SURF4: variants seen among roughly 807,000 people sequenced by gnomAD.
SURF4 encodes the protein surfeit 4, also known as surfeit locus protein 4.
In SURF4, 3 loss-of-function variants were observed where a neutral mutation model predicts 30.0. The observed-to-expected ratio is 0.10, with a 90% CI of 0.05 to 0.26. The LOEUF (loss-of-function observed/expected upper bound fraction) is 0.26, where lower values mean the gene tolerates loss of function less well. Among genes scored for constraint, SURF4 ranks in the 10% least tolerant of loss-of-function variants. The probability of loss-of-function intolerance (pLI) is 1.00; values close to 1 mark genes in which losing one functional copy is unlikely to be tolerated. For synonymous variants in SURF4, 143 were observed against 139.9 expected (o/e 1.02, Z -0.16); for missense variants, 217 against 350.8 (o/e 0.62, Z 3.05).
chr9:133,376,567 A>T (rs2130249575), upstream of SURF4: 2 of 1,589,136 alleles, frequency 1.3e-6, no homozygotes, highest in African/African-American at 1.4e-5. Context: ...CCAGGTGCCG[A>T]GTGTTCCCTG....
At chr9:133,365,170 C>T (rs1309932884) in intron 4 of SURF4, 144 bp from the exon 5 acceptor site, 3 of 741,918 alleles carry the variant, frequency 4.0e-6, no homozygotes, top group African/African-American at 1.8e-5. Context: ...CAAGCAGGAC[C>T]AGGCAGGCAT....
intron 1 of SURF4, among the ~76,000 whole-genome samples, chr9:133,371,342 G>C (rs2130188113): frequency 3.3e-5 from 5 of 152,190 alleles, no homozygotes; most frequent in Admixed American, 2.0e-4. Context: ...GAGCTGGCTC[G>C]AGCTCACTGG....
rs1302309413 is a variant in SURF4, at chr9:133,363,414, T to C, written c.*79A>G. On this transcript the variant is annotated 3_prime_UTR_variant, in exon 6 of 6. Transcript: ENST00000371989. This position sits in a 1 kb window ranked among gnomAD's most constrained non-coding sequence, Gnocchi z 4.3. ...GGAAGGGAAGAGGATACATAAAAGCTGGCAGTTTTGTTGAATCCACCCCGA... is the reference window on the plus strand; with the variant it reads ...GGAAGGGAAGAGGATACATAAAAGCCGGCAGTTTTGTTGAATCCACCCCGA... 2.2e-5 allele frequency: 35 copies of C among 1,610,938 alleles called. No homozygotes were observed. The highest frequency in any genetic ancestry group is 2.8e-5 in the Non-Finnish European group (33 of 1,177,722).
At chr9:133,367,677 C>A in intron 1 of SURF4, 1 of 1,224,580 alleles carries the variant, frequency 8.2e-7, no homozygotes, top group Non-Finnish European at 1.1e-6. Flanking sequence ...CCCGGAGATG[C>A]ATGACTTGAC....
chr9:133,377,619 C>A (rs1044947074), upstream of SURF4, among the ~76,000 whole-genome samples: 10 of 152,072 alleles, frequency 6.6e-5, no homozygotes, highest in South Asian at 4.1e-4. Context: ...GCCAAGATAG[C>A]GCCATTGGAC....
At chr9:133,376,404 G>C (rs756245505), upstream of SURF4, 1 of 1,461,406 alleles carries the variant, frequency 6.8e-7, no homozygotes, top group Admixed American at 2.9e-5. Context: ...GGAGGATCCC[G>C]CGGGTCCCAC....
rs2130136912 is a variant in SURF4 at position 133,367,218 on chromosome 9, A to T, written c.235+41T>A. On this transcript the variant is annotated intron_variant, in intron 2 of 5. Coordinates refer to ENST00000371989, the MANE Select transcript of SURF4 (RefSeq NM_033161.4). ...TCCCAACTGCTAACGATCATGGAAC[A>T]AGACGCCCAGTGAATCCTGACCACC... The T allele has an allele frequency of 3.1e-6, 5 of 1,602,972 alleles. No homozygotes were observed. The African/African-American group carries it at 6.7e-5, about 21-fold the overall frequency.
intron 2 of SURF4, 45 bp downstream of exon 2, chr9:133,367,214 G>T: frequency 6.3e-7 from 1 of 1,599,832 alleles, no homozygotes; most frequent in Admixed American, 1.7e-5. Context: ...AACGATCATG[G>T]AACAAGACGC....
At chr9:133,372,523 G>C (rs2130198008) in intron 1 of SURF4, 123,031 of 898,196 alleles carry the variant, frequency 0.14, 8,954 homozygotes, top group Middle Eastern at 0.17. Context: ...ACCCGGCCCA[G>C]TGAAAGACTT....
At chr9:133,373,942 G>C (rs1393550889) in intron 1 of SURF4, among the ~76,000 whole-genome samples, 1 of 108,210 alleles carries the variant, frequency 9.2e-6, no homozygotes, top group Non-Finnish European at 2.0e-5. Flanking sequence ...AAAAGAAGAA[G>C]AAAACAGTAT....
In SURF4 at chr9:133,366,656, C is replaced by T; in HGVS notation, c.255G>A (p.Leu85=). 2 of 1,613,826 alleles carry T rather than the reference C, an allele frequency of 1.2e-6. No individual in the cohort carries two copies. The highest frequency in any genetic ancestry group is 2.2e-5 in the South Asian group (2 of 91,062). ...AGGCGTACTGCACGAAGTTCCTGCT[C>T]AACACCAGGACGCAGCCAGCTGGAG... ...LGQLTGCVLV[L]SRNFVQYACF... The change falls in exon 3 of 6, where the codon TTG becomes TTA. Residue 85 remains leucine (L), a synonymous_variant. Transcript: ENST00000371989.
upstream of SURF4, among the ~76,000 whole-genome samples, chr9:133,377,236 C>T (rs1837999282): frequency 6.6e-6 from 1 of 152,102 alleles, no homozygotes; most frequent in Non-Finnish European, 1.5e-5. Flanking sequence ...AAAAAATAGA[C>T]GTTTCAGGAA....
intron 3 of SURF4, 38 bp downstream of exon 3, chr9:133,366,561 G>T (rs2130127315): frequency 4.4e-6 from 7 of 1,607,642 alleles, no homozygotes; most frequent in Non-Finnish European, 6.0e-6. Context: ...CTCCACCAGA[G>T]CAAAGAGAAG....
In SURF4 at chr9:133,363,221, G is replaced by T; in HGVS notation, c.*272C>A. The T allele has an allele frequency of 3.2e-6, 2 of 633,416 alleles. No homozygotes were observed. Among genetic ancestry groups the T allele is most frequent in the South Asian group, 3.8e-5 (2 of 52,532 alleles). 39.2% of individuals were successfully genotyped at this position (633,416 alleles called of 1,614,324 possible). A position where few individuals can be genotyped will look rare whatever the true frequency, so the allele number is the denominator to read the frequency against. ...TAGGACTGAGATGCCACAGCCAAGCGGGCTGTTCACTCCAAAGCCTCGGCG... is the reference window on the plus strand; with the variant it reads ...TAGGACTGAGATGCCACAGCCAAGCTGGCTGTTCACTCCAAAGCCTCGGCG... On this transcript the variant is annotated 3_prime_UTR_variant, in exon 6 of 6. Transcript: ENST00000371989. The surrounding 1 kb of genome is among the most constrained non-coding windows in gnomAD (Gnocchi z 4.3).
chr9:133,366,462 G>A (rs946135527), intron 3 of SURF4, 137 bp downstream of exon 3: 30 of 942,974 alleles, frequency 3.2e-5, no homozygotes, highest in Non-Finnish European at 4.5e-5. Flanking sequence ...TTCCCCAGAA[G>A]AGAAAGGAGC....
At chr9:133,367,687 C>T (rs1238071669) in intron 1 of SURF4, 15 of 1,146,610 alleles carry the variant, frequency 1.3e-5, no homozygotes, top group African/African-American at 4.7e-5. Context: ...CATGACTTGA[C>T]GTTAGGCCCT....
chr9:133,363,785 T>A lies in SURF4; in HGVS notation c.544-26A>T, dbSNP rs1473331216. The A allele has an allele frequency of 6.2e-7, 1 of 1,612,990 alleles. No individual in the cohort carries two copies. The highest frequency in any genetic ancestry group is 1.7e-5 in the Admixed American group (1 of 59,954). On this transcript the variant is annotated intron_variant, in intron 5 of 5. Coordinates refer to ENST00000371989, the MANE Select transcript of SURF4 (RefSeq NM_033161.4). This position sits in a 1 kb window ranked among gnomAD's most constrained non-coding sequence, Gnocchi z 4.3. ...CTGCATAGGTTGAAACGTAAGAAATTCAAAATAAATGTGAGGAAAAGAGAT... is the reference window on the plus strand; with the variant it reads ...CTGCATAGGTTGAAACGTAAGAAATACAAAATAAATGTGAGGAAAAGAGAT...
chr9:133,367,795 C>A (rs1837268599), intron 1 of SURF4, among the ~76,000 whole-genome samples: 1 of 152,250 alleles, frequency 6.6e-6, no homozygotes, highest in Non-Finnish European at 1.5e-5. Context: ...GGTGGCACTG[C>A]CACAAGACAC....
intron 1 of SURF4, 55 bp from the exon 2 acceptor site, chr9:133,367,500 C>T (rs2130143936): frequency 1.2e-5 from 20 of 1,604,352 alleles, no homozygotes; most frequent in Admixed American, 6.7e-5. Flanking sequence ...AGCACCAGGC[C>T]GCTGCCAGGC....
Sources: gnomAD v4.1 joint callset for allele counts (sites outside exome capture counted in the v4.1 genomes callset) on GRCh38, gnomAD v4.1.1 for gene constraint, Gnocchi (gnomAD v3.1) non-coding constraint, MANE v1.5 for transcripts, NCBI Gene and HGNC (gene_info 2026-07-23, HGNC 2026-07-21) for gene names.